KCNJ6: variants seen among roughly 807,000 people sequenced by gnomAD.
KCNJ6 encodes G protein-activated inward rectifier potassium channel 2.
A neutral mutation model predicts 34.2 loss-of-function variants in KCNJ6; 9 were observed. The observed-to-expected ratio is 0.26, with a 90% CI of 0.16 to 0.46. The LOEUF is 0.46. Ranked by LOEUF, KCNJ6 falls within the 20% of genes least tolerant of loss-of-function variation. KCNJ6 has a pLI of 1.00. For synonymous variants in KCNJ6, 196 were observed against 207.1 expected (o/e 0.95, Z 0.46); for missense variants, 236 against 531.3 (o/e 0.44, Z 5.46).
At chr21:37,879,370 G>A (rs2055695188) in intron 1 of KCNJ6, among the ~76,000 whole-genome samples, 1 of 152,146 alleles carries the variant, frequency 6.6e-6, no homozygotes, top group Non-Finnish European at 1.5e-5. Context: ...TGCTCCCACT[G>A]GATTCCTAGT....
Position 37,684,348 on chromosome 21 carries a change from A to ATT in KCNJ6, c.946+29861_946+29862dup, listed in dbSNP as rs35320914. On this transcript the variant is annotated intron_variant, in intron 3 of 3. Transcript: ENST00000609713. ...ATGTCTGTGTCCAAATTTCCACTCC[A>ATT]TTTTTTTTTTTTATGAGGACACCAG... Among the ~76,000 whole-genome samples the ATT allele has an allele frequency of 3.7e-3, 542 of 147,438 alleles. 3 individuals are homozygous for ATT. The highest frequency in any genetic ancestry group is 4.9e-3 in the Non-Finnish European group (329 of 66,606).
At chr21:37,846,388 T>A (rs865825212) in intron 1 of KCNJ6, among the ~76,000 whole-genome samples, 2 of 85,644 alleles carry the variant, frequency 2.3e-5, no homozygotes, top group Admixed American at 1.2e-4. Context: ...TGTGTGTGTG[T>A]GTGTGTGTGT....
intron 3 of KCNJ6, among the ~76,000 whole-genome samples, chr21:37,626,697 T>G (rs576755409): frequency 6.6e-6 from 1 of 152,286 alleles, no homozygotes; most frequent in South Asian, 2.1e-4. Flanking sequence ...AATGAAAACA[T>G]TCATTCAGTC....
At chr21:37,894,095 A>C (rs527377134) in intron 1 of KCNJ6, among the ~76,000 whole-genome samples, 1 of 152,312 alleles carries the variant, frequency 6.6e-6, no homozygotes, top group Admixed American at 6.5e-5. Context: ...CAACAAAACA[A>C]ACATATCAGG....
intron 3 of KCNJ6, among the ~76,000 whole-genome samples, chr21:37,669,055 A>G (rs1216773407): frequency 1.3e-5 from 2 of 152,202 alleles, no homozygotes; most frequent in Non-Finnish European, 2.9e-5. Flanking sequence ...GCAGCTACCT[A>G]TGAGACTTCA....
chr21:37,899,468 C>T (rs1316057590), intron 1 of KCNJ6, among the ~76,000 whole-genome samples: 2 of 152,178 alleles, frequency 1.3e-5, no homozygotes, highest in African/African-American at 4.8e-5. Context: ...GCTCTCTTGT[C>T]TCACCCTCAA....
At chr21:37,793,572 G>A (rs373167200) in intron 2 of KCNJ6, among the ~76,000 whole-genome samples, 2,040 of 119,790 alleles carry the variant, frequency 0.017, 78 homozygotes, top group African/African-American at 0.059. Flanking sequence ...AAAAAAAAAA[G>A]AGTGAGAGCT....
At chr21:37,837,301 A>C (rs966208977) in intron 2 of KCNJ6, among the ~76,000 whole-genome samples, 3 of 152,120 alleles carry the variant, frequency 2.0e-5, no homozygotes, top group Non-Finnish European at 4.4e-5. Flanking sequence ...TTTTTTTCAC[A>C]GCAAAGTCGT....
intron 1 of KCNJ6, among the ~76,000 whole-genome samples, chr21:37,890,428 C>G (rs937018185): frequency 6.6e-5 from 10 of 152,190 alleles, no homozygotes; most frequent in African/African-American, 2.4e-4. Context: ...CAAATCACAT[C>G]AACTTCTCAA....
chr21:37,882,838 T>C (rs2055716269), intron 1 of KCNJ6, among the ~76,000 whole-genome samples: 1 of 152,230 alleles, frequency 6.6e-6, no homozygotes, highest in South Asian at 2.1e-4. Context: ...ATGGAATGTT[T>C]CATAGGACAC....
chr21:37,664,507 CAA>C (rs2054504828), intron 3 of KCNJ6, among the ~76,000 whole-genome samples: 1 of 151,766 alleles, frequency 6.6e-6, no homozygotes, highest in South Asian at 2.1e-4. Context: ...GTGTGCATAA[CAA>C]AAGATGCAGT....
chr21:37,755,294 G>T (rs1367339776), intron 2 of KCNJ6, among the ~76,000 whole-genome samples: 1 of 148,762 alleles, frequency 6.7e-6, no homozygotes, highest in African/African-American at 2.5e-5. Flanking sequence ...AATGAAAAAA[G>T]AAAAAAAAAG....
intron 1 of KCNJ6, among the ~76,000 whole-genome samples, chr21:37,850,080 T>C (rs2055529790): frequency 6.6e-6 from 1 of 152,208 alleles, no homozygotes; most frequent in Non-Finnish European, 1.5e-5. Context: ...CAATGACCTG[T>C]AAGAGCTCTT....
chr21:37,670,870 AC>A (rs533491650), intron 3 of KCNJ6, among the ~76,000 whole-genome samples: 189 of 151,522 alleles, frequency 1.2e-3, no homozygotes, highest in African/African-American at 4.3e-3. Flanking sequence ...TTTCAGCAGG[AC>A]CTTATGATTT....
At chr21:37,756,900 G>A (rs1239482978) in intron 2 of KCNJ6, among the ~76,000 whole-genome samples, 2 of 125,844 alleles carry the variant, frequency 1.6e-5, no homozygotes, top group Admixed American at 7.9e-5. Context: ...CTCCCTCACA[G>A]CGTGATGATT....
At chr21:37,822,228 C>T (rs1222845077) in intron 2 of KCNJ6, among the ~76,000 whole-genome samples, 3 of 152,160 alleles carry the variant, frequency 2.0e-5, no homozygotes, top group East Asian at 1.9e-4. Context: ...GAGTGGCTTG[C>T]AGACACCATT....
At chr21:37,760,914 C>T (rs1041625178) in intron 2 of KCNJ6, among the ~76,000 whole-genome samples, 21 of 152,096 alleles carry the variant, frequency 1.4e-4, no homozygotes, top group African/African-American at 4.1e-4. Flanking sequence ...GAGGGCCAGA[C>T]GGTCTTGGGC....
chr21:37,859,487 T>A lies in KCNJ6; in HGVS notation c.-27-18778A>T, dbSNP rs76180292. Among the ~76,000 whole-genome samples, 245 of 84,204 alleles carry A rather than the reference T, an allele frequency of 2.9e-3. 2 individuals carry two copies. The highest frequency in any genetic ancestry group is 0.011 in the African/African-American group (179 of 16,548). 55.2% of individuals were successfully genotyped at this position (84,204 alleles called of 152,430 possible). A position where few individuals can be genotyped will look rare whatever the true frequency, so the allele number is the denominator to read the frequency against. Reference sequence around the variant, plus strand: ...ATTTTAACTATGGGCTTATATTACTTTATATATATATATATATATATATAT... The same window carrying A: ...ATTTTAACTATGGGCTTATATTACTATATATATATATATATATATATATAT... On this transcript the variant is annotated intron_variant, in intron 1 of 3. Transcript: ENST00000609713.
chr21:37,738,565 C>T (rs573932669), intron 2 of KCNJ6, among the ~76,000 whole-genome samples: 2 of 152,346 alleles, frequency 1.3e-5, no homozygotes, highest in East Asian at 1.9e-4. Context: ...TCAACATTTG[C>T]GAATGATGTG....
Sources: allele counts gnomAD v4.1 joint callset (sites outside exome capture counted in the v4.1 genomes callset), GRCh38; gene constraint gnomAD v4.1.1; transcripts MANE v1.5; gene names NCBI Gene and HGNC (gene_info 2026-07-23, HGNC 2026-07-21).